Variants in XKR3 observed in about 807,000 individuals in gnomAD.
The protein encoded by XKR3 is XK related 3.
XKR3 carries 27 observed loss-of-function variants against 40.3 expected under a neutral mutation model. The observed-to-expected ratio is 0.67, with a 90% CI of 0.49 to 0.92. The LOEUF is 0.92. XKR3 is among the 40% of genes least tolerant of loss of function. The pLI is 0.00. For synonymous variants in XKR3, 193 were observed against 195.4 expected (o/e 0.99, Z 0.10); for missense variants, 472 against 537.6 (o/e 0.88, Z 1.21).
intron 3 of XKR3, among the ~76,000 whole-genome samples, chr22:16,798,981 G>A (rs1376881713): frequency 1.3e-5 from 2 of 152,270 alleles, no homozygotes; most frequent in East Asian, 1.9e-4. Flanking sequence ...AAGCCTGTAC[G>A]TATACTGTAC....
chr22:16,783,570 C>T lies in XKR3; in HGVS notation c.*49G>A, dbSNP rs2060074954. 7.1e-7 allele frequency: 1 copy of T among 1,416,574 alleles called. No homozygotes were observed. The highest frequency in any genetic ancestry group is 9.4e-7 in the Non-Finnish European group (1 of 1,063,708). The allele number at this position is 1,416,574 out of a possible 1,614,324, so 87.8% of individuals were successfully genotyped here. A position where few individuals can be genotyped will look rare whatever the true frequency, so the allele number is the denominator to read the frequency against. On this transcript the variant is annotated 3_prime_UTR_variant, in exon 4 of 4. Transcript: ENST00000684488. ...TAAATTTAAGAGCCTCTTAACAAGT[C>T]ACATTCAGCATCTTTACTCATTGTT...
At chr22:16,786,796 G>T (rs116210169) in intron 3 of XKR3, among the ~76,000 whole-genome samples, 6,000 of 152,124 alleles carry the variant, frequency 0.039, 303 homozygotes, top group African/African-American at 0.11. Context: ...ACAGAGCCCA[G>T]ACATGAACAC....
At chr22:16,790,175 G>A (rs1416523949) in intron 3 of XKR3, among the ~76,000 whole-genome samples, 2 of 151,170 alleles carry the variant, frequency 1.3e-5, no homozygotes, top group South Asian at 2.1e-4. Context: ...AAATAAATAT[G>A]TAATGAAAAC....
chr22:16,824,713 T>C (rs936152334), intron 1 of XKR3, among the ~76,000 whole-genome samples: 3 of 152,212 alleles, frequency 2.0e-5, no homozygotes, highest in Admixed American at 6.5e-5. Flanking sequence ...ATGATATTAA[T>C]GCAGATTGCA....
At chr22:16,809,061 G>A (rs1040047805) in intron 1 of XKR3, among the ~76,000 whole-genome samples, 1 of 152,122 alleles carries the variant, frequency 6.6e-6, no homozygotes, top group African/African-American at 2.4e-5. Context: ...TAAAAAAAGT[G>A]GGAGGGAAGA....
intron 1 of XKR3, among the ~76,000 whole-genome samples, chr22:16,820,453 G>A (rs1337600270): frequency 6.6e-6 from 1 of 152,126 alleles, no homozygotes; most frequent in South Asian, 2.1e-4. Flanking sequence ...CAAGTAAAAT[G>A]ACATGAATGT....
intron 2 of XKR3, among the ~76,000 whole-genome samples, chr22:16,804,853 C>T (rs2060183150): frequency 6.6e-6 from 1 of 152,054 alleles, no homozygotes; most frequent in Non-Finnish European, 1.5e-5. Context: ...TGTATAAAAC[C>T]ACGCTGTACC....
chr22:16,818,526 T>G (rs995192933), intron 1 of XKR3, among the ~76,000 whole-genome samples: 3 of 152,068 alleles, frequency 2.0e-5, no homozygotes, highest in Admixed American at 6.6e-5. Context: ...GAGGATAACC[T>G]AACTACAAAC....
chr22:16,790,464 T>C (rs1481496566), intron 3 of XKR3, among the ~76,000 whole-genome samples: 1 of 151,704 alleles, frequency 6.6e-6, no homozygotes, highest in Non-Finnish European at 1.5e-5. Flanking sequence ...AACAAACAAA[T>C]ACCACGTGTT....
At chr22:16,820,269 G>A (rs911355534) in intron 1 of XKR3, among the ~76,000 whole-genome samples, 1 of 152,148 alleles carries the variant, frequency 6.6e-6, no homozygotes, top group African/African-American at 2.4e-5. Flanking sequence ...CAAACAAGCT[G>A]TGGTACATTT....
intron 1 of XKR3, among the ~76,000 whole-genome samples, chr22:16,813,361 T>G (rs7291429): frequency 0.5 from 75,323 of 151,874 alleles, 19,005 homozygotes; most frequent in East Asian, 0.71. Flanking sequence ...TTCTAAGGCA[T>G]AAGTTAAGCA....
Position 16,808,081 on chromosome 22 carries a change from GTGC to G in XKR3, c.-10-1_-9del. 6.3e-7 allele frequency: 1 copy of G among 1,579,206 alleles called. No individual in the cohort carries two copies. The highest frequency in any genetic ancestry group is 2.2e-5 in the East Asian group (1 of 44,602). On this transcript the variant is annotated splice_acceptor_variant and 5_prime_UTR_variant, in exon 2 of 4. Coordinates refer to ENST00000684488, the MANE Select transcript of XKR3 (RefSeq NM_001386955.1). LOFTEE classifies it low-confidence loss of function (5UTR_SPLICE). ...TTCAAACACTGTCTCCATTCTCAGG[GTGC>G]TGCTAATTCAAAGTCGTCTTGTCAG...
chr22:16,799,822 T>C lies in XKR3; in HGVS notation c.538A>G (p.Ile180Val), dbSNP rs1291496745. 6.2e-7 allele frequency: 1 copy of C among 1,614,122 alleles called. No homozygotes were observed. Among genetic ancestry groups the C allele is most frequent in the Non-Finnish European group, 8.5e-7 (1 of 1,180,004 alleles). The change falls in exon 3 of 4, where the codon ATT becomes GTT. Residue 180 changes from isoleucine (I) to valine (V), a missense_variant. Physicochemically the swap from Ile to Val is conservative, Grantham distance 29. Coordinates refer to ENST00000684488, the MANE Select transcript of XKR3 (RefSeq NM_001386955.1). ...GTGAGACTGATATACATCTGCAAAA[T>C]TAATTGTGGAACAGAACCGAGAAAA... ...QAFLGSVPQL[I>V]LQMYISLTIR...
rs560834649 is a variant in XKR3 at position 16,818,003 on chromosome 22, G to T, written c.-11+7288C>A. On this transcript the variant is annotated intron_variant, in intron 1 of 3. Coordinates refer to ENST00000684488, the MANE Select transcript of XKR3 (RefSeq NM_001386955.1). Reference sequence around the variant, plus strand: ...ATTTTTTTTCCAAAGTGTATGGCAGGTATTTCATCTGTTCTTCATTGACCT... The same window carrying T: ...ATTTTTTTTCCAAAGTGTATGGCAGTTATTTCATCTGTTCTTCATTGACCT... Among the ~76,000 whole-genome samples the T allele has an allele frequency of 2.0e-5, 3 of 152,060 alleles. No individual in the cohort carries two copies. The South Asian group carries it at 6.2e-4, about 32-fold the overall frequency.
intron 1 of XKR3, among the ~76,000 whole-genome samples, chr22:16,824,179 G>A (rs568328168): frequency 1.3e-5 from 2 of 152,122 alleles, no homozygotes; most frequent in East Asian, 3.9e-4. Context: ...GGATGAGACA[G>A]AAAAAACACT....
At chr22:16,804,584 T>C (rs1485662214) in intron 2 of XKR3, among the ~76,000 whole-genome samples, 1 of 152,178 alleles carries the variant, frequency 6.6e-6, no homozygotes, top group African/African-American at 2.4e-5. Flanking sequence ...AGAACACATT[T>C]GTCATGTATT....
intron 3 of XKR3, among the ~76,000 whole-genome samples, chr22:16,786,572 C>T (rs12157793): frequency 3.2e-4 from 49 of 152,258 alleles, no homozygotes; most frequent in African/African-American, 1.2e-3. Flanking sequence ...AGCTGCATGC[C>T]TTGAGTGCAT....
intron 1 of XKR3, chr22:16,821,478 A>G (rs1043953308): frequency 1.3e-5 from 2 of 152,110 alleles, no homozygotes; most frequent in Non-Finnish European, 1.5e-5. Context: ...CACAAAGTGA[A>G]TTTGCTTTCC....
chr22:16,807,902 A>C lies in XKR3; in HGVS notation c.172T>G (p.Tyr58Asp). 1 of 1,614,050 alleles carries C rather than the reference A, an allele frequency of 6.2e-7. No individual in the cohort carries two copies. The highest frequency in any genetic ancestry group is 8.5e-7 in the Non-Finnish European group (1 of 1,179,924). The change falls in exon 2 of 4, where the codon TAT becomes GAT. Residue 58 changes from tyrosine to aspartate, a missense_variant. Physicochemically the swap from Tyr to Asp is radical, Grantham distance 160. Coordinates refer to ENST00000684488, the MANE Select transcript of XKR3 (RefSeq NM_001386955.1). Reference protein sequence around the residue: ...VAFGLYMFEIYRKANDTFWMS... With the variant: ...VAFGLYMFEIDRKANDTFWMS... The stretch of plus-strand genomic sequence containing the variant: ...CAGAATGTGTCATTAGCTTTTCGAT[A>C]AATTTCAAACATGTATAAACCAAAG...
Sources: allele counts gnomAD v4.1 joint callset (sites outside exome capture counted in the v4.1 genomes callset), GRCh38; gene constraint gnomAD v4.1.1; transcripts MANE v1.5; gene names NCBI Gene and HGNC (gene_info 2026-07-23, HGNC 2026-07-21).